PRR16: variants seen among roughly 807,000 people sequenced by gnomAD.
PRR16 encodes the protein protein Largen.
PRR16 carries 6 observed loss-of-function variants against 18.2 expected under a neutral mutation model. The observed-to-expected ratio is 0.33, with a 90% CI of 0.18 to 0.65. The LOEUF (loss-of-function observed/expected upper bound fraction) is 0.65, where lower values mean the gene tolerates loss of function less well. Among genes scored for constraint, PRR16 ranks in the 30% least tolerant of loss-of-function variants. The pLI is 0.74. For missense variants in PRR16, 412 were observed against 376.6 expected, an observed-to-expected ratio of 1.09 and a Z score of -0.78; for synonymous variants, 151 against 147.8, an observed-to-expected ratio of 1.02 and a Z score of -0.16.
chr5:120,550,123 C>G (rs1165886280), intron 1 of PRR16, among the ~76,000 whole-genome samples: 1 of 151,930 alleles, frequency 6.6e-6, no homozygotes, highest in Non-Finnish European at 1.5e-5. Flanking sequence ...TGAGATATTG[C>G]ACAGGAAGTC....
intron 1 of PRR16, among the ~76,000 whole-genome samples, chr5:120,662,023 G>A (rs1756190712): frequency 6.6e-6 from 1 of 152,064 alleles, no homozygotes; most frequent in African/African-American, 2.4e-5. Flanking sequence ...GGCACAGCTG[G>A]GGTGGAAAAT....
At chr5:120,716,933 C>T in the PRR16 span, among the ~76,000 whole-genome samples, 2 of 151,978 alleles carry the variant, frequency 1.3e-5, no homozygotes, top group Non-Finnish European at 2.9e-5. Context: ...GAGTAGAATG[C>T]AGGAGTGAGT....
chr5:120,508,633 C>G (rs1274448795), intron 1 of PRR16, among the ~76,000 whole-genome samples: 1 of 152,068 alleles, frequency 6.6e-6, no homozygotes, highest in Non-Finnish European at 1.5e-5. Flanking sequence ...TCAATCTTCT[C>G]CAGTATATCC....
At chr5:120,705,254 C>A in the PRR16 span, among the ~76,000 whole-genome samples, 2 of 151,900 alleles carry the variant, frequency 1.3e-5, no homozygotes, top group African/African-American at 4.8e-5. Context: ...TCATTTATAG[C>A]TTTTATTCAG....
At chr5:120,698,265 C>G in the PRR16 span, among the ~76,000 whole-genome samples, 1 of 151,732 alleles carries the variant, frequency 6.6e-6, no homozygotes, top group African/African-American at 2.4e-5. Flanking sequence ...GAAACTTTGT[C>G]ATGTAGAATG....
At chr5:120,711,778 G>A in the PRR16 span, among the ~76,000 whole-genome samples, 1 of 152,144 alleles carries the variant, frequency 6.6e-6, no homozygotes, top group African/African-American at 2.4e-5. Context: ...AGGGGGCTAA[G>A]CCAAGAATGA....
rs145793797 is a variant in PRR16, at chr5:120,671,890, A to C, written c.160-14064A>C. Among the ~76,000 whole-genome samples, 8 of 152,340 alleles carry C rather than the reference A, an allele frequency of 5.3e-5. No homozygotes were observed. The South Asian group carries it at 1.7e-3, about 32-fold the overall frequency. Reference sequence around the variant, plus strand: ...TTTACCACCCAGATTTATTACTTCAAAAGTTTATAATCAAGCACAAAATGT... The same window carrying C: ...TTTACCACCCAGATTTATTACTTCACAAGTTTATAATCAAGCACAAAATGT... On this transcript the variant is annotated intron_variant, in intron 1 of 1. Coordinates refer to ENST00000407149, the MANE Select transcript of PRR16 (RefSeq NM_001300783.2).
the PRR16 span, among the ~76,000 whole-genome samples, chr5:120,754,383 TA>T: frequency 9.4e-5 from 5 of 53,362 alleles, no homozygotes; most frequent in East Asian, 3.4e-3. Context: ...ATATAACATA[TA>T]TATTATATGT....
At chr5:120,613,246 C>T (rs1754391119) in intron 1 of PRR16, among the ~76,000 whole-genome samples, 1 of 151,948 alleles carries the variant, frequency 6.6e-6, no homozygotes, top group African/African-American at 2.4e-5. Context: ...TCTGAATATT[C>T]ATAGAATACA....
intron 1 of PRR16, among the ~76,000 whole-genome samples, chr5:120,573,440 G>T (rs1412020126): frequency 3.3e-5 from 5 of 152,098 alleles, no homozygotes; most frequent in Admixed American, 6.6e-5. Flanking sequence ...ATTATCTGTT[G>T]TCTTATTAAT....
chr5:120,648,841 T>C (rs1315076914), intron 1 of PRR16, among the ~76,000 whole-genome samples: 1 of 152,090 alleles, frequency 6.6e-6, no homozygotes, highest in East Asian at 1.9e-4. Flanking sequence ...TATTTCAAGC[T>C]ACAAACTTGA....
At chr5:120,680,937 G>C (rs953121846) in intron 1 of PRR16, among the ~76,000 whole-genome samples, 12 of 152,054 alleles carry the variant, frequency 7.9e-5, no homozygotes, top group African/African-American at 2.9e-4. Context: ...ACCTAAGTTG[G>C]TATAGATACT....
intron 1 of PRR16, among the ~76,000 whole-genome samples, chr5:120,561,929 C>G (rs1245144016): frequency 1.3e-5 from 2 of 152,106 alleles, no homozygotes; most frequent in African/African-American, 4.8e-5. Context: ...CTTTTTCTTC[C>G]TAGCCTCAGA....
intron 1 of PRR16, among the ~76,000 whole-genome samples, chr5:120,594,805 A>G (rs994614283): frequency 6.6e-6 from 1 of 151,956 alleles, no homozygotes; most frequent in African/African-American, 2.4e-5. Context: ...ATAATGCTGC[A>G]TACCTAAAGC....
chr5:120,514,023 G>T (rs1323131584), intron 1 of PRR16, among the ~76,000 whole-genome samples: 1 of 152,136 alleles, frequency 6.6e-6, no homozygotes, highest in East Asian at 1.9e-4. Context: ...CTCCCAAAGT[G>T]CTGGGATTGC....
At chr5:120,476,569 C>G (rs928977228) in intron 1 of PRR16, among the ~76,000 whole-genome samples, 1 of 152,118 alleles carries the variant, frequency 6.6e-6, no homozygotes, top group African/African-American at 2.4e-5. Flanking sequence ...AATTCAATTG[C>G]ATGTAATACT....
chr5:120,668,967 A>G (rs1000877285), intron 1 of PRR16, among the ~76,000 whole-genome samples: 51 of 152,190 alleles, frequency 3.4e-4, no homozygotes, highest in African/African-American at 1.1e-3. Context: ...GACCGTCTGC[A>G]AAGGGCATGC....
Position 120,670,005 on chromosome 5 carries a change from A to G in PRR16, c.160-15949A>G, listed in dbSNP as rs116077028. 4.5e-3 allele frequency among the ~76,000 whole-genome samples: 679 copies of G among 152,254 alleles called. 5 individuals carry two copies. The highest frequency in any genetic ancestry group is 0.015 in the African/African-American group (638 of 41,584). On this transcript the variant is annotated intron_variant, in intron 1 of 1. Transcript: ENST00000407149. ...AAATGTTATAATGCATAAAATAAAC[A>G]ATACTTTTATTCTGACCATAAGCAA...
At chr5:120,548,154 G>A (rs534333845) in intron 1 of PRR16, among the ~76,000 whole-genome samples, 1 of 152,084 alleles carries the variant, frequency 6.6e-6, no homozygotes, top group African/African-American at 2.4e-5. Flanking sequence ...TTCAAATACT[G>A]TAGATAGATC....
Sources: gnomAD v4.1 joint callset for allele counts (sites outside exome capture counted in the v4.1 genomes callset) on GRCh38, gnomAD v4.1.1 for gene constraint, MANE v1.5 for transcripts, NCBI Gene and HGNC (gene_info 2026-07-23, HGNC 2026-07-21) for gene names.